The following SYCP1 variants were observed in gnomAD, a reference collection of about 807,000 sequenced individuals.
The protein encoded by SYCP1 is cancer/testis antigen 8.
Under a neutral mutation model 153.1 loss-of-function variants are expected in SYCP1, and 64 were observed. The observed-to-expected ratio is 0.42, with a 90% CI of 0.34 to 0.51. The LOEUF is 0.51. Ranked by LOEUF, SYCP1 falls within the 20% of genes least tolerant of loss-of-function variation. The pLI is 0.06. For synonymous variants in SYCP1, 384 were observed against 341.8 expected (o/e 1.12, Z -1.36); for missense variants, 997 against 1,049.0 (o/e 0.95, Z 0.68).
intron 10 of SYCP1, 102 bp from the exon 11 acceptor site, chr1:114,876,635 A>T: frequency 1.9e-6 from 1 of 522,500 alleles, no homozygotes. Flanking sequence ...AATATAATTT[A>T]GAGATAAATA....
At chr1:114,948,562 T>C (rs1305513417) in intron 27 of SYCP1, among the ~76,000 whole-genome samples, 1 of 152,224 alleles carries the variant, frequency 6.6e-6, no homozygotes, top group African/African-American at 2.4e-5. Flanking sequence ...ATCTCACACA[T>C]CTTTCATCTT....
intron 9 of SYCP1, among the ~76,000 whole-genome samples, chr1:114,874,821 T>C (rs1347679995): frequency 6.6e-6 from 1 of 152,210 alleles, no homozygotes; most frequent in Non-Finnish European, 1.5e-5. Flanking sequence ...AATCAGCACA[T>C]TGTGACACAT....
chr1:114,916,452 A>G (rs1668513504), intron 20 of SYCP1, among the ~76,000 whole-genome samples: 1 of 152,074 alleles, frequency 6.6e-6, no homozygotes, highest in African/African-American at 2.4e-5. Flanking sequence ...TTATATGAAA[A>G]TGCTGGTCCT....
chr1:114,965,348 TTTGTTTC>T (rs1298679675), intron 27 of SYCP1, among the ~76,000 whole-genome samples: 1 of 152,166 alleles, frequency 6.6e-6, no homozygotes, highest in African/African-American at 2.4e-5. Flanking sequence ...ATGCCCTTTA[TTTGTTTC>T]TCTTACCTGA....
chr1:114,878,261 AACATTG>A, intron 12 of SYCP1, 59 bp downstream of exon 12: 1 of 1,106,042 alleles, frequency 9.0e-7, no homozygotes, highest in Admixed American at 2.3e-5. Flanking sequence ...TTATGTTCTA[AACATTG>A]ACTTTCATTA....
chr1:114,863,962 G>A (rs550166876), intron 8 of SYCP1, among the ~76,000 whole-genome samples: 27 of 150,200 alleles, frequency 1.8e-4, no homozygotes, highest in Middle Eastern at 6.8e-3. Flanking sequence ...TCACACACCC[G>A]GGCCTGTTGG....
intron 16 of SYCP1, among the ~76,000 whole-genome samples, chr1:114,900,056 G>T (rs951788451): frequency 6.6e-6 from 1 of 152,180 alleles, no homozygotes; most frequent in Non-Finnish European, 1.5e-5. Flanking sequence ...CTTAAGAGCA[G>T]ATTAGTGCCT....
At chr1:114,934,582 G>T (rs372946275) in intron 23 of SYCP1, among the ~76,000 whole-genome samples, 2 of 152,238 alleles carry the variant, frequency 1.3e-5, no homozygotes, top group African/African-American at 4.8e-5. Context: ...ATGTAAATGG[G>T]CTAAATACTC....
chr1:114,885,648 T>A lies in SYCP1; in HGVS notation c.1005+19T>A, dbSNP rs767178142. On this transcript the variant is annotated intron_variant, in intron 13 of 31. Coordinates refer to ENST00000369522, the MANE Select transcript of SYCP1 (RefSeq NM_003176.4). ...AAGTGTGGTATGATTTAAAAACTCA[T>A]TAGTGTGTAATAAGTCTCACCCTAT... 1 of 1,407,178 alleles carries A rather than the reference T, an allele frequency of 7.1e-7. No homozygotes were observed. The highest frequency in any genetic ancestry group is 9.8e-7 in the Non-Finnish European group (1 of 1,018,356). 87.2% of individuals were successfully genotyped at this position (1,407,178 alleles called of 1,614,324 possible).
chr1:114,857,154 AAAAGAGAAAAAAG>A, intron 3 of SYCP1, 65 bp from the exon 4 acceptor site: 21 of 980,082 alleles, frequency 2.1e-5, no homozygotes, highest in Non-Finnish European at 2.9e-5. Flanking sequence ...AAAAAAAAAA[AAAAGAGAAAAAAG>A]AAAAAAAAAA....
At chr1:114,864,042 T>G (rs566264638) in intron 8 of SYCP1, among the ~76,000 whole-genome samples, 192 of 151,084 alleles carry the variant, frequency 1.3e-3, no homozygotes, top group Non-Finnish European at 1.8e-3. Flanking sequence ...AAAACCTAGA[T>G]GATGGGTTGA....
At chr1:114,949,188 T>C (rs1232946877) in intron 27 of SYCP1, among the ~76,000 whole-genome samples, 2 of 152,204 alleles carry the variant, frequency 1.3e-5, no homozygotes, top group Non-Finnish European at 2.9e-5. Context: ...CAATGGGGCA[T>C]CATGCTCTGA....
chr1:114,951,690 C>G (rs894467976), intron 27 of SYCP1, among the ~76,000 whole-genome samples: 4 of 152,180 alleles, frequency 2.6e-5, no homozygotes, highest in Non-Finnish European at 5.9e-5. Context: ...TCACATCTTA[C>G]AAATTGTAGG....
chr1:114,861,816 T>G (rs1430860726), intron 8 of SYCP1, among the ~76,000 whole-genome samples: 1 of 150,688 alleles, frequency 6.6e-6, no homozygotes, highest in Non-Finnish European at 1.5e-5. Context: ...TTTTTTTTTT[T>G]GAGATGTGGT....
chr1:114,876,118 G>T lies in SYCP1; in HGVS notation c.707G>T (p.Arg236Ile). 2.5e-6 allele frequency: 4 copies of T among 1,583,118 alleles called. No homozygotes were observed. The highest frequency in any genetic ancestry group is 3.4e-6 in the Non-Finnish European group (4 of 1,163,420). The part of the protein sequence containing the change: ...EELRVQAENS[R>I]LEMHFKLKED... ...CTTCGTGTGCAAGCTGAGAATTCCA[G>T]ACTGGAAATGCATTTTAAGTGTAGG... Residue 236 changes from arginine (R) to isoleucine (I), a missense_variant, in exon 10 of 32, where the codon AGA becomes ATA. Transcript: ENST00000369522.
chr1:114,951,676 A>G (rs760634934), intron 27 of SYCP1, among the ~76,000 whole-genome samples: 1 of 152,348 alleles, frequency 6.6e-6, no homozygotes, highest in Non-Finnish European at 1.5e-5. Flanking sequence ...GTTTCCCCCC[A>G]TGGTCACATC....
chr1:114,860,634 A>T, intron 7 of SYCP1, 102 bp from the exon 8 acceptor site: 1 of 732,384 alleles, frequency 1.4e-6, no homozygotes. Flanking sequence ...ATAATATTTT[A>T]AAAATTTCTT....
At chr1:114,900,792 G>A (rs570048459) in intron 16 of SYCP1, among the ~76,000 whole-genome samples, 2 of 151,608 alleles carry the variant, frequency 1.3e-5, no homozygotes, top group South Asian at 2.1e-4. Flanking sequence ...AGTTCCATAT[G>A]TCCCCATGCC....
intron 17 of SYCP1, among the ~76,000 whole-genome samples, chr1:114,911,273 G>A (rs541211129): frequency 1.3e-5 from 2 of 151,646 alleles, no homozygotes; most frequent in South Asian, 2.1e-4. Flanking sequence ...TTACAATATC[G>A]AGATAGAATT....
Sources: gnomAD v4.1 joint callset for allele counts (sites outside exome capture counted in the v4.1 genomes callset) on GRCh38, gnomAD v4.1.1 for gene constraint, MANE v1.5 for transcripts, NCBI Gene and HGNC (gene_info 2026-07-23, HGNC 2026-07-21) for gene names.